ARHGAP28: variants seen among roughly 807,000 people sequenced by gnomAD.
ARHGAP28 encodes the protein Rho GTPase activating protein 28.
In ARHGAP28, 56 loss-of-function variants were observed where a neutral mutation model predicts 90.7. That is an observed-to-expected ratio of 0.62 (90% CI 0.50 to 0.77). ARHGAP28 has a LOEUF of 0.77. ARHGAP28 is among the 30% of genes least tolerant of loss of function. The pLI is 0.00. For missense variants in ARHGAP28, 869 were observed against 900.9 expected, an observed-to-expected ratio of 0.96 and a Z score of 0.45; for synonymous variants, 308 against 323.3, an observed-to-expected ratio of 0.95 and a Z score of 0.51.
In ARHGAP28 at chr18:6,913,667, T is replaced by TA. The variant is rs1363245440; in HGVS notation, c.*1517dup. 1 of 152,132 alleles carries TA rather than the reference T, an allele frequency of 6.6e-6. No homozygotes were observed. The highest frequency in any genetic ancestry group is 1.5e-5 in the Non-Finnish European group (1 of 68,006). 9.4% of individuals were successfully genotyped at this position (152,132 alleles called of 1,614,324 possible). On this transcript the variant is annotated 3_prime_UTR_variant, in exon 18 of 18. Transcript: ENST00000383472. The stretch of plus-strand genomic sequence containing the variant: ...TATCTATACAAAACATCACTTGTAT[T>TA]AAAATATATAGATAACTTTCTGGCA...
intron 2 of ARHGAP28, among the ~76,000 whole-genome samples, chr18:6,831,344 A>T (rs2056713294): frequency 6.6e-6 from 1 of 151,930 alleles, no homozygotes. Flanking sequence ...TGTATTGCAG[A>T]TATTTTCTCA....
intron 1 of ARHGAP28, among the ~76,000 whole-genome samples, chr18:6,753,770 C>T (rs937112190): frequency 1.3e-5 from 2 of 152,166 alleles, no homozygotes; most frequent in African/African-American, 2.4e-5. Context: ...TCTCTAGTAG[C>T]GTTTCATCTT....
chr18:6,898,532 A>G, intron 16 of ARHGAP28: 1 of 1,614,128 alleles, frequency 6.2e-7, no homozygotes, highest in Non-Finnish European at 8.5e-7. Context: ...GGAGCCCCAA[A>G]CATGTATTCC....
intron 1 of ARHGAP28, among the ~76,000 whole-genome samples, chr18:6,797,626 A>C (rs1366010558): frequency 4.0e-5 from 6 of 151,642 alleles, no homozygotes; most frequent in Admixed American, 2.0e-4. Context: ...GGGGAACTAG[A>C]GAACAGTGAT....
chr18:6,781,519 C>A (rs181037011), intron 1 of ARHGAP28, among the ~76,000 whole-genome samples: 1 of 152,280 alleles, frequency 6.6e-6, no homozygotes, highest in Admixed American at 6.5e-5. Context: ...CCCATCACTC[C>A]CCAGCGGGAG....
In ARHGAP28 at chr18:6,889,986, C is replaced by CAGT. The variant is rs1227415194; in HGVS notation, c.1638_1640dup (p.Ser546dup). On this transcript the variant is annotated inframe_insertion, in exon 13 of 18. Transcript: ENST00000383472. ...CAGTGATGGCACCAAACCTTTTCTT[C>CAGT]AGTAGAAGCAAACACTCTGATTATG... 9.3e-6 allele frequency: 15 copies of CAGT among 1,614,070 alleles called. No individual in the cohort carries two copies. The Admixed American group carries it at 2.5e-4, about 27-fold the overall frequency.
chr18:6,855,748 T>C (rs1300443816), intron 4 of ARHGAP28, among the ~76,000 whole-genome samples: 1 of 152,240 alleles, frequency 6.6e-6, no homozygotes, highest in Non-Finnish European at 1.5e-5. Flanking sequence ...TTTGGAGCTC[T>C]GCAGTTCCGG....
intron 11 of ARHGAP28, among the ~76,000 whole-genome samples, chr18:6,886,784 T>G (rs942853380): frequency 1.7e-4 from 26 of 152,320 alleles, no homozygotes; most frequent in African/African-American, 6.0e-4. Context: ...ATACTTATAC[T>G]TTTCTGCCTC....
intron 12 of ARHGAP28, among the ~76,000 whole-genome samples, chr18:6,888,752 G>A (rs2057241510): frequency 1.3e-5 from 2 of 152,078 alleles, no homozygotes; most frequent in African/African-American, 2.4e-5. Context: ...TCTAACAAAA[G>A]GTCCCCCCAG....
intron 7 of ARHGAP28, among the ~76,000 whole-genome samples, chr18:6,871,811 G>C (rs2057092001): frequency 6.6e-6 from 1 of 152,122 alleles, no homozygotes; most frequent in African/African-American, 2.4e-5. Context: ...AGGACAGGAA[G>C]AGGAAAGGAA....
chr18:6,839,341 T>A lies in ARHGAP28; in HGVS notation c.543+1927T>A, dbSNP rs182762051. ...CAGCGTCTCGCTCTGTCGCCCAGGC[T>A]GGAGTGCAGTGGCGCAATCTCGGCT... On this transcript the variant is annotated intron_variant, in intron 3 of 17. Transcript: ENST00000383472. Among the ~76,000 whole-genome samples, 561 of 148,048 alleles carry A rather than the reference T, an allele frequency of 3.8e-3. 3 individuals carry two copies. Among genetic ancestry groups the A allele is most frequent in the Admixed American group, 9.6e-3 (137 of 14,288 alleles).
chr18:6,795,018 A>G (rs2056431873), intron 1 of ARHGAP28, among the ~76,000 whole-genome samples: 1 of 152,170 alleles, frequency 6.6e-6, no homozygotes, highest in African/African-American at 2.4e-5. Context: ...AGATGCATGA[A>G]GAAAAGTTAC....
chr18:6,780,399 T>C (rs2056314931), intron 1 of ARHGAP28, among the ~76,000 whole-genome samples: 1 of 152,224 alleles, frequency 6.6e-6, no homozygotes, highest in African/African-American at 2.4e-5. Flanking sequence ...TGCTGGGTAT[T>C]ATACGTGATC....
rs1312437899 is a variant in ARHGAP28, at chr18:6,898,919, T to TCCCCCAATTTACACTG, written c.2030+2293_2030+2294insCCCCCAATTTACACTG. The stretch of plus-strand genomic sequence containing the variant: ...GAAGAGGGTGAGGGATAAAAGACTA[T>TCCCCCAATTTACACTG]AAATTGGGTTCAGTGTATACTGCTT... On this transcript the variant is annotated intron_variant, in intron 16 of 17. Coordinates refer to ENST00000383472, the MANE Select transcript of ARHGAP28 (RefSeq NM_001366230.1). 2.0e-3 allele frequency among the ~76,000 whole-genome samples: 312 copies of TCCCCCAATTTACACTG among 152,210 alleles called. 1 individual carries two copies. The highest frequency in any genetic ancestry group is 7.2e-3 in the African/African-American group (297 of 41,538).
intron 16 of ARHGAP28, chr18:6,898,239 G>C (rs1452441898): frequency 4.8e-6 from 2 of 412,682 alleles, no homozygotes; most frequent in Non-Finnish European, 8.6e-6. Context: ...GTGGAAGGTA[G>C]GGGGTGGAGG....
rs1201199273 is a variant in ARHGAP28, at chr18:6,824,851, C to G, written c.212C>G (p.Ala71Gly). The change falls in exon 2 of 18, where the codon GCC becomes GGC. Residue 71 changes from alanine to glycine, a missense_variant. Transcript: ENST00000383472. ...GCCTTCAGCCGTTCCAACTCAGAAG[C>G]CTCCGTAGACAGCGCCTCCATGGAG... is the stretch of plus-strand genomic sequence containing the variant. ...PPAFSRSNSE[A>G]SVDSASMEDF... 5.9e-6 allele frequency: 9 copies of G among 1,536,350 alleles called. 1 individual carries two copies. In the South Asian group the frequency reaches 9.5e-5, roughly 16 times the overall value.
chr18:6,755,325 A>G (rs1176072736), intron 1 of ARHGAP28, among the ~76,000 whole-genome samples: 1 of 152,212 alleles, frequency 6.6e-6, no homozygotes, highest in Non-Finnish European at 1.5e-5. Flanking sequence ...AAAAGTGACA[A>G]TGGAATCCTT....
intron 1 of ARHGAP28, among the ~76,000 whole-genome samples, chr18:6,786,575 C>T (rs892718328): frequency 5.9e-5 from 9 of 152,096 alleles, no homozygotes; most frequent in Non-Finnish European, 1.0e-4. Context: ...TTTTGGGGTG[C>T]GCTGACCACT....
intron 1 of ARHGAP28, among the ~76,000 whole-genome samples, chr18:6,756,225 T>C (rs1040440856): frequency 6.6e-6 from 1 of 152,218 alleles, no homozygotes; most frequent in African/African-American, 2.4e-5. Flanking sequence ...ACTATTCTTT[T>C]ATTATATTCT....
Sources: allele counts gnomAD v4.1 joint callset (sites outside exome capture counted in the v4.1 genomes callset), GRCh38; gene constraint gnomAD v4.1.1; transcripts MANE v1.5; gene names NCBI Gene and HGNC (gene_info 2026-07-23, HGNC 2026-07-21).